LRP1B: variants seen among roughly 807,000 people sequenced by gnomAD.
LRP1B encodes LDL receptor related protein 1B.
In LRP1B, 217 loss-of-function variants were observed where a neutral mutation model predicts 556.6. The observed-to-expected ratio is 0.39, with a 90% CI of 0.35 to 0.44. LRP1B has a LOEUF of 0.44. LRP1B is among the 20% of genes least tolerant of loss of function. LRP1B has a pLI of 1.00. For synonymous variants in LRP1B, 2,047 were observed against 1,865.8 expected (o/e 1.10, Z -2.50); for missense variants, 5,053 against 5,620.8 (o/e 0.90, Z 3.23).
chr2:140,290,182 A>G (rs542009144), intron 84 of LRP1B, among the ~76,000 whole-genome samples: 2 of 152,186 alleles, frequency 1.3e-5, no homozygotes, highest in African/African-American at 2.4e-5. Context: ...AAAATGGCAA[A>G]GAGAAGTGCT....
intron 5 of LRP1B, among the ~76,000 whole-genome samples, chr2:141,230,735 TC>T (rs2105297211): frequency 6.6e-6 from 1 of 152,306 alleles, no homozygotes; most frequent in African/African-American, 2.4e-5. Flanking sequence ...CCTGGAATAA[TC>T]ATTTATCAAT....
intron 3 of LRP1B, among the ~76,000 whole-genome samples, chr2:141,313,109 T>C (rs1352706963): frequency 1.3e-5 from 2 of 152,212 alleles, no homozygotes; most frequent in African/African-American, 4.8e-5. Context: ...GTTTAATCAT[T>C]AAAATAGATT....
intron 1 of LRP1B, among the ~76,000 whole-genome samples, chr2:141,853,109 A>C (rs1248022861): frequency 2.6e-5 from 4 of 151,750 alleles, no homozygotes; most frequent in African/African-American, 9.7e-5. Context: ...TTAGCTACCC[A>C]TCCAAAAATT....
chr2:141,789,868 G>A (rs1695554083), intron 2 of LRP1B, among the ~76,000 whole-genome samples: 1 of 151,926 alleles, frequency 6.6e-6, no homozygotes, highest in Non-Finnish European at 1.5e-5. Context: ...TCTACTTAGA[G>A]GAGACTAAAA....
intron 1 of LRP1B, among the ~76,000 whole-genome samples, chr2:142,062,405 T>C (rs895801050): frequency 5.3e-5 from 8 of 151,800 alleles, no homozygotes; most frequent in African/African-American, 1.9e-4. Flanking sequence ...ACATCTACCA[T>C]GAAGCCTGCC....
At chr2:141,592,371 T>C (rs762087487) in intron 2 of LRP1B, among the ~76,000 whole-genome samples, 1 of 152,168 alleles carries the variant, frequency 6.6e-6, no homozygotes, top group East Asian at 1.9e-4. Flanking sequence ...TTTGGTTTCA[T>C]AGGTGGCACT....
chr2:141,384,102 T>A (rs1689742557), intron 3 of LRP1B, among the ~76,000 whole-genome samples: 1 of 152,186 alleles, frequency 6.6e-6, no homozygotes. Context: ...ATACCTTAAA[T>A]ATATACATTT....
intron 1 of LRP1B, among the ~76,000 whole-genome samples, chr2:142,081,041 A>T (rs76896212): frequency 0.043 from 6,555 of 152,024 alleles, 226 homozygotes; most frequent in Non-Finnish European, 0.058. Flanking sequence ...TAACTGGGAA[A>T]ATAATAAACC....
chr2:142,047,260 T>A (rs531746425), intron 1 of LRP1B, among the ~76,000 whole-genome samples: 7 of 152,100 alleles, frequency 4.6e-5, no homozygotes, highest in Admixed American at 3.9e-4. Flanking sequence ...ACATGGAGGC[T>A]TGACATTTAG....
rs1330105383 is a variant in LRP1B, at chr2:141,291,881, A to C, written c.344-37240T>G. Reference sequence around the variant, plus strand: ...AAAAAAAAAAAAAAAAAAAAAAAAAAAAAAAAAAACTTGTTTGGGGTTACA... The same window carrying C: ...AAAAAAAAAAAAAAAAAAAAAAAAACAAAAAAAAACTTGTTTGGGGTTACA... On this transcript the variant is annotated intron_variant, in intron 3 of 90. Coordinates refer to ENST00000389484, the MANE Select transcript of LRP1B (RefSeq NM_018557.3). Among the ~76,000 whole-genome samples, 5 of 124,090 alleles carry C rather than the reference A, an allele frequency of 4.0e-5. No homozygotes were observed. The Admixed American group carries it at 4.1e-4, about 10-fold the overall frequency. 81.4% of individuals were successfully genotyped at this position (124,090 alleles called of 152,430 possible).
intron 3 of LRP1B, among the ~76,000 whole-genome samples, chr2:141,285,468 T>C (rs1275957788): frequency 2.8e-5 from 4 of 144,818 alleles, no homozygotes; most frequent in Non-Finnish European, 4.5e-5. Flanking sequence ...TTTTTTTTTT[T>C]TTTTTGAGAT....
In LRP1B at chr2:140,385,962, AGTT is replaced by A. The variant is rs766287163; in HGVS notation, c.10459_10461del (p.Asn3487del). The A allele has an allele frequency of 7.4e-6, 12 of 1,613,702 alleles. No individual in the cohort carries two copies. Among genetic ancestry groups the A allele is most frequent in the East Asian group, 2.2e-5 (1 of 44,838 alleles). On this transcript the variant is annotated inframe_deletion, in exon 67 of 91. Coordinates refer to ENST00000389484, the MANE Select transcript of LRP1B (RefSeq NM_018557.3). ...TCACACCGCCAGTGATCGGGAATAC[AGTT>A]GTTGTTTTTACACTGGAATTCATGA...
chr2:141,601,927 T>G (rs879271), intron 2 of LRP1B, among the ~76,000 whole-genome samples: 2 of 152,216 alleles, frequency 1.3e-5, no homozygotes, highest in South Asian at 4.1e-4. Context: ...TAAGCCTCCA[T>G]GAGAAACTGC....
intron 17 of LRP1B, among the ~76,000 whole-genome samples, chr2:140,988,873 G>A (rs1697008093): frequency 6.6e-6 from 1 of 152,132 alleles, no homozygotes; most frequent in East Asian, 1.9e-4. Context: ...TTAAAAAGAA[G>A]CACTAGGCTG....
At chr2:141,840,025 T>C (rs932345223) in intron 1 of LRP1B, among the ~76,000 whole-genome samples, 4 of 152,298 alleles carry the variant, frequency 2.6e-5, no homozygotes, top group Admixed American at 2.0e-4. Context: ...TCCTCATTTT[T>C]ATATTGTGCC....
intron 7 of LRP1B, among the ~76,000 whole-genome samples, chr2:141,131,695 CAT>C (rs1701362405): frequency 6.6e-6 from 1 of 151,718 alleles, no homozygotes; most frequent in Non-Finnish European, 1.5e-5. Context: ...GACAGATTTA[CAT>C]ATATGTCTCC....
chr2:140,812,236 A>G (rs948345234), intron 32 of LRP1B, among the ~76,000 whole-genome samples: 3 of 152,086 alleles, frequency 2.0e-5, no homozygotes, highest in Admixed American at 2.0e-4. Flanking sequence ...ATAGAACTCT[A>G]CTTTTCAAAA....
chr2:141,137,789 A>G (rs1307545003), intron 7 of LRP1B, among the ~76,000 whole-genome samples: 1 of 151,936 alleles, frequency 6.6e-6, no homozygotes, highest in Non-Finnish European at 1.5e-5. Flanking sequence ...TTTTTACCCA[A>G]TACACCTGGA....
intron 3 of LRP1B, among the ~76,000 whole-genome samples, chr2:141,390,807 G>A (rs545921711): frequency 6.6e-6 from 1 of 152,322 alleles, no homozygotes; most frequent in East Asian, 1.9e-4. Flanking sequence ...AGTGCGCAAT[G>A]CGCTCAAATG....
Sources: allele counts gnomAD v4.1 joint callset (sites outside exome capture counted in the v4.1 genomes callset), GRCh38; gene constraint gnomAD v4.1.1; transcripts MANE v1.5; gene names NCBI Gene and HGNC (gene_info 2026-07-23, HGNC 2026-07-21).